The following PTPN4 variants were observed in gnomAD, a reference collection of about 807,000 sequenced individuals.
The protein encoded by PTPN4 is tyrosine-protein phosphatase non-receptor type 4.
Under a neutral mutation model 135.5 loss-of-function variants are expected in PTPN4, and 49 were observed. The observed-to-expected ratio is 0.36, with a 90% CI of 0.29 to 0.46. The LOEUF is 0.46. Among genes scored for constraint, PTPN4 ranks in the 20% least tolerant of loss-of-function variants. The pLI, the probability that PTPN4 is intolerant of heterozygous loss-of-function variation, is 1.00. For missense variants in PTPN4, 860 were observed against 1,101.0 expected (o/e 0.78, Z 3.10); for synonymous variants, 333 against 369.9 (o/e 0.90, Z 1.14).
intron 2 of PTPN4, among the ~76,000 whole-genome samples, chr2:119,845,230 T>TG (rs1361076146): frequency 6.9e-5 from 2 of 28,894 alleles, no homozygotes; most frequent in Admixed American, 1.1e-3. Context: ...AGGGAGACCG[T>TG]GGGGAGAGGG....
At chr2:119,786,523 G>T (rs1194245021) in intron 1 of PTPN4, among the ~76,000 whole-genome samples, 3 of 152,138 alleles carry the variant, frequency 2.0e-5, no homozygotes, top group African/African-American at 4.8e-5. Flanking sequence ...GATTGGTGCT[G>T]GCTCTGAGCA....
At chr2:119,839,085 G>C (rs1198701343) in intron 2 of PTPN4, among the ~76,000 whole-genome samples, 1 of 152,090 alleles carries the variant, frequency 6.6e-6, no homozygotes, top group African/African-American at 2.4e-5. Context: ...TATTTCAGGA[G>C]GGTTTTTCTA....
intron 2 of PTPN4, among the ~76,000 whole-genome samples, chr2:119,853,789 A>G (rs1283138812): frequency 1.3e-5 from 2 of 151,958 alleles, no homozygotes; most frequent in Admixed American, 1.3e-4. Flanking sequence ...TGTTGTTCCA[A>G]GTTTCTTCAT....
At position 119,967,988 on chromosome 2, in the gene PTPN4, T is replaced by C. The variant is rs2105063217; in HGVS notation, c.2694+16T>C. 6.5e-7 allele frequency: 1 copy of C among 1,534,212 alleles called. No homozygotes were observed. Among genetic ancestry groups the C allele is most frequent in the Non-Finnish European group, 8.9e-7 (1 of 1,129,002 alleles). ...CCAAACACCTGTGAGTACTGTACTT[T>C]ATATACAAGTGTATATTCTTAACAT... On this transcript the variant is annotated intron_variant, in intron 26 of 26. Transcript: ENST00000263708.
intron 2 of PTPN4, among the ~76,000 whole-genome samples, chr2:119,810,852 A>ACCTTTTTTAACTTAGACTTTGTGTGGAC (rs1691562180): frequency 6.6e-6 from 1 of 152,106 alleles, no homozygotes; most frequent in African/African-American, 2.4e-5. Context: ...AACCTTTTGA[A>ACCTTTTTTAACTTAGACTTTGTGTGGAC]AGTAAGTACT....
chr2:119,905,013 AAGG>A (rs753332301), intron 10 of PTPN4, among the ~76,000 whole-genome samples: 3 of 146,502 alleles, frequency 2.0e-5, no homozygotes, highest in Non-Finnish European at 4.5e-5. Context: ...GAGAAAAAGA[AAGG>A]AGTCAAAGGT....
In PTPN4 at chr2:119,760,230, G is replaced by A. The variant is rs1033909247; in HGVS notation, c.-172G>A. ...CCAGCAGCATGAGGTGGTGCTGGCG[G>A]CTCCGGGTCGTGGCGCGACCGCTGC... On this transcript the variant is annotated 5_prime_UTR_variant, in exon 1 of 27. Coordinates refer to ENST00000263708, the MANE Select transcript of PTPN4 (RefSeq NM_002830.4). The A allele has an allele frequency of 2.3e-5, 9 of 396,706 alleles. No individual in the cohort carries two copies. The South Asian group carries it at 5.1e-4, about 23-fold the overall frequency. The allele number at this position is 396,706 out of a possible 1,614,324, so 24.6% of individuals were successfully genotyped here.
At chr2:119,825,421 G>T (rs1226339355) in intron 2 of PTPN4, among the ~76,000 whole-genome samples, 1 of 151,666 alleles carries the variant, frequency 6.6e-6, no homozygotes, top group African/African-American at 2.4e-5. Context: ...ACAGATAGAG[G>T]AATCAAATCC....
At chr2:119,762,600 C>G (rs183353340) in intron 1 of PTPN4, among the ~76,000 whole-genome samples, 4 of 152,016 alleles carry the variant, frequency 2.6e-5, no homozygotes, top group African/African-American at 4.8e-5. Context: ...TTCTGCCCCC[C>G]GCTTGAGAGT....
At chr2:119,961,454 C>T (rs1461410159) in intron 23 of PTPN4, among the ~76,000 whole-genome samples, 1 of 152,018 alleles carries the variant, frequency 6.6e-6, no homozygotes, top group Non-Finnish European at 1.5e-5. Context: ...ACAGAACCCT[C>T]CTATTGTGGG....
chr2:119,871,024 A>G (rs904953330), intron 3 of PTPN4, among the ~76,000 whole-genome samples: 1 of 151,802 alleles, frequency 6.6e-6, no homozygotes, highest in Non-Finnish European at 1.5e-5. Flanking sequence ...TTCTACAAAT[A>G]ATAAATAAAA....
intron 10 of PTPN4, among the ~76,000 whole-genome samples, chr2:119,905,746 A>G (rs1678477703): frequency 6.6e-6 from 1 of 152,254 alleles, no homozygotes; most frequent in Non-Finnish European, 1.5e-5. Context: ...ATTTTTAAAT[A>G]GTAATTATAT....
At chr2:119,787,370 A>G (rs895774920) in intron 1 of PTPN4, among the ~76,000 whole-genome samples, 2 of 152,216 alleles carry the variant, frequency 1.3e-5, no homozygotes, top group African/African-American at 4.8e-5. Flanking sequence ...ATACAAAGGT[A>G]AAGCTCCTTT....
chr2:119,874,473 A>G (rs1340892744), intron 3 of PTPN4, among the ~76,000 whole-genome samples: 2 of 152,340 alleles, frequency 1.3e-5, no homozygotes, highest in East Asian at 1.9e-4. Context: ...GCCACAATGT[A>G]GATGAACCAA....
At chr2:119,916,760 A>G (rs139498062) in intron 11 of PTPN4, 1 of 152,194 alleles carries the variant, frequency 6.6e-6, no homozygotes, top group Non-Finnish European at 1.5e-5. Flanking sequence ...AATTGAAATT[A>G]TACAGTTGTT....
At position 119,936,904 on chromosome 2, in the gene PTPN4, A is replaced by G. The variant is rs541910319; in HGVS notation, c.1355+1946A>G. The stretch of plus-strand genomic sequence containing the variant: ...TTGAATCTATATTACTGCATTTGAC[A>G]TTCAACCAGTTTTTAACCTTAAGAA... On this transcript the variant is annotated intron_variant, in intron 15 of 26. Coordinates refer to ENST00000263708, the MANE Select transcript of PTPN4 (RefSeq NM_002830.4). Among the ~76,000 whole-genome samples, 3 of 152,312 alleles carry G rather than the reference A, an allele frequency of 2.0e-5. 1 individual carries two copies. The highest frequency in any genetic ancestry group is 4.1e-4 in the South Asian group (2 of 4,830).
intron 1 of PTPN4, among the ~76,000 whole-genome samples, chr2:119,806,765 G>A (rs994506771): frequency 1.3e-5 from 2 of 152,132 alleles, no homozygotes; most frequent in African/African-American, 4.8e-5. Flanking sequence ...CAAATCAGCA[G>A]AATATACATT....
chr2:119,903,219 T>C (rs1037517596), intron 10 of PTPN4, among the ~76,000 whole-genome samples: 2 of 152,094 alleles, frequency 1.3e-5, no homozygotes, highest in Non-Finnish European at 2.9e-5. Flanking sequence ...ACATTACCAT[T>C]GACAGCAACT....
At chr2:119,804,429 T>C (rs956979836) in intron 1 of PTPN4, among the ~76,000 whole-genome samples, 4 of 152,136 alleles carry the variant, frequency 2.6e-5, no homozygotes, top group Admixed American at 1.3e-4. Flanking sequence ...TCCCTCTCCC[T>C]GCCCTCCACC....
Sources: gnomAD v4.1 joint callset for allele counts (sites outside exome capture counted in the v4.1 genomes callset) on GRCh38, gnomAD v4.1.1 for gene constraint, MANE v1.5 for transcripts, NCBI Gene and HGNC (gene_info 2026-07-23, HGNC 2026-07-21) for gene names.